The following NAP1L1 variants were observed in gnomAD, a reference collection of about 807,000 sequenced individuals.
The protein encoded by NAP1L1 is nucleosome assembly protein 1-like 1.
Under a neutral mutation model 58.9 loss-of-function variants are expected in NAP1L1, and 9 were observed. The ratio of observed to expected loss-of-function variants is 0.15; its 90% CI spans 0.09 to 0.27. NAP1L1 has a LOEUF of 0.27. Among genes scored for constraint, NAP1L1 ranks in the 10% least tolerant of loss-of-function variants. NAP1L1 has a pLI of 1.00. For missense variants in NAP1L1, 302 were observed against 458.8 expected (o/e 0.66, Z 3.12); for synonymous variants, 130 against 138.3 (o/e 0.94, Z 0.42).
At chr12:76,070,007 T>A (rs1408178306) in intron 2 of NAP1L1, among the ~76,000 whole-genome samples, 4 of 152,206 alleles carry the variant, frequency 2.6e-5, no homozygotes, top group Non-Finnish European at 5.9e-5. Flanking sequence ...TTTGAAAAAT[T>A]AATTTTCCAC....
intron 2 of NAP1L1, among the ~76,000 whole-genome samples, chr12:76,073,408 T>C (rs1354872836): frequency 6.6e-6 from 1 of 152,138 alleles, no homozygotes; most frequent in Non-Finnish European, 1.5e-5. Context: ...CTATAAAACA[T>C]CCATCCACAT....
intron 1 of NAP1L1, among the ~76,000 whole-genome samples, chr12:76,083,656 T>C (rs1950496241): frequency 2.0e-5 from 3 of 152,100 alleles, no homozygotes; most frequent in Non-Finnish European, 4.4e-5. Flanking sequence ...ATAACAACCT[T>C]TTGCTAATAA....
Position 76,067,423 on chromosome 12 carries a change from G to C in NAP1L1, c.154C>G (p.Leu52Val), listed in dbSNP as rs1421043986. 6.2e-7 allele frequency: 1 copy of C among 1,609,050 alleles called. No homozygotes were observed. Among genetic ancestry groups the C allele is most frequent in the South Asian group, 1.1e-5 (1 of 90,720 alleles). ...ACCAGACCATCAAGTCTTTCTTGAAGGGCTGCAAGAATCTGAGGATTTTGC... is the reference window on the plus strand; with the variant it reads ...ACCAGACCATCAAGTCTTTCTTGAACGGCTGCAAGAATCTGAGGATTTTGC... Reference protein sequence around the residue: ...MMQNPQILAALQERLDGLVET... With the variant: ...MMQNPQILAAVQERLDGLVET... The change falls in exon 4 of 15, where the codon CTT (leucine) becomes GTT (valine). Residue 52 changes from leucine (L) to valine (V), a missense_variant. Transcript: ENST00000618691.
chr12:76,051,662 G>A (rs890149179), intron 11 of NAP1L1, among the ~76,000 whole-genome samples: 2 of 152,132 alleles, frequency 1.3e-5, no homozygotes, highest in Admixed American at 1.3e-4. Flanking sequence ...GCTGTACCTG[G>A]CTTAGGATTT....
rs541405791 is a variant in NAP1L1 at position 76,052,247 on chromosome 12, T to TAACA, written c.936+840_936+843dup. Among the ~76,000 whole-genome samples, 244 of 151,812 alleles carry TAACA rather than the reference T, an allele frequency of 1.6e-3. 2 individuals are homozygous for TAACA. The highest frequency in any genetic ancestry group is 5.1e-3 in the African/African-American group (210 of 41,350). ...CTGTTTTGTCATCATCAATATTTAGTAACAAACAAACAAACAAACAAAAAA... is the reference window on the plus strand; with the variant it reads ...CTGTTTTGTCATCATCAATATTTAGTAACAAACAAACAAACAAACAAACAAAAAA... On this transcript the variant is annotated intron_variant, in intron 11 of 14. Coordinates refer to ENST00000618691, the MANE Select transcript of NAP1L1 (RefSeq NM_004537.7).
chr12:76,067,662 C>CA, intron 3 of NAP1L1, 189 bp from the exon 4 acceptor site: 1 of 477,316 alleles, frequency 2.1e-6, no homozygotes. Context: ...AGGAATAATT[C>CA]AGATTCCTAA....
chr12:76,050,695 C>T (rs766098373), intron 11 of NAP1L1, 42 bp from the exon 12 acceptor site: 2 of 1,582,528 alleles, frequency 1.3e-6, no homozygotes, highest in South Asian at 2.4e-5. Context: ...TTAGGAATAA[C>T]TGTGTTACTT....
In NAP1L1 at chr12:76,063,173, T is replaced by G. The variant is rs377447435; in HGVS notation, c.207-2894A>C. On this transcript the variant is annotated intron_variant, in intron 4 of 14. Transcript: ENST00000618691. ...AAAATCCAGCAGATTCTATTTAAGG[T>G]ATGGGTGTGGTCAAATATCTTGGTA... is the stretch of plus-strand genomic sequence containing the variant. 4.5e-4 allele frequency among the ~76,000 whole-genome samples: 69 copies of G among 152,294 alleles called. 1 individual carries two copies. The East Asian group carries it at 0.011, about 25-fold the overall frequency.
intron 1 of NAP1L1, among the ~76,000 whole-genome samples, chr12:76,080,419 C>T (rs142323609): frequency 7.9e-5 from 12 of 152,266 alleles, no homozygotes; most frequent in Middle Eastern, 3.4e-3. Context: ...GTTAAAACTG[C>T]CTACAGTATT....
intron 3 of NAP1L1, 91 bp from the exon 4 acceptor site, chr12:76,067,564 AACT>A: frequency 9.8e-7 from 1 of 1,015,654 alleles, no homozygotes; most frequent in South Asian, 1.5e-5. Flanking sequence ...AAGTTTTCCT[AACT>A]GGCCCATAAA....
chr12:76,064,204 AC>A (rs892025039), intron 4 of NAP1L1, among the ~76,000 whole-genome samples: 9 of 152,210 alleles, frequency 5.9e-5, no homozygotes, highest in African/African-American at 2.2e-4. Context: ...CCCCCAAAAA[AC>A]ATTATAAAAC....
chr12:76,064,793 T>TA lies in NAP1L1; in HGVS notation c.206+2577dup, dbSNP rs531225855. 1.0e-3 allele frequency among the ~76,000 whole-genome samples: 150 copies of TA among 145,304 alleles called. 1 individual carries two copies. The South Asian group carries it at 0.014, about 13-fold the overall frequency. On this transcript the variant is annotated intron_variant, in intron 4 of 14. Transcript: ENST00000618691. ...GAGAACTTGAATAAATTAGTATGTT[T>TA]AAAAAAAAAAAAATTCTCCAAAACT...
At chr12:76,081,505 G>A (rs1950408261) in intron 1 of NAP1L1, among the ~76,000 whole-genome samples, 1 of 152,150 alleles carries the variant, frequency 6.6e-6, no homozygotes, top group African/African-American at 2.4e-5. Flanking sequence ...GGAGGCCAAG[G>A]CAAAATCGCT....
At chr12:76,072,782 A>C (rs1950016104) in intron 2 of NAP1L1, among the ~76,000 whole-genome samples, 1 of 152,224 alleles carries the variant, frequency 6.6e-6, no homozygotes, top group African/African-American at 2.4e-5. Context: ...AATGCCTTCA[A>C]AATTCTGAAG....
At chr12:76,065,340 C>CA (rs1250925226) in intron 4 of NAP1L1, among the ~76,000 whole-genome samples, 1 of 150,658 alleles carries the variant, frequency 6.6e-6, no homozygotes, top group Non-Finnish European at 1.5e-5. Context: ...AGAAATAAGA[C>CA]AAAGAATACT....
chr12:76,083,973 C>G (rs899056350), intron 1 of NAP1L1: 1 of 152,222 alleles, frequency 6.6e-6, no homozygotes, highest in Non-Finnish European at 1.5e-5. Flanking sequence ...TTCCCCTCCC[C>G]GCGCGGCCGC....
Position 76,058,192 on chromosome 12 carries a change from T to TTC in NAP1L1, c.429+1605_429+1606insGA, listed in dbSNP as rs201458036. On this transcript the variant is annotated intron_variant, in intron 6 of 14. Transcript: ENST00000618691. The stretch of plus-strand genomic sequence containing the variant: ...AGATATGGCCAAAGGGAGAGAGGCC[T>TTC]ACATATATATATATATATATATATA... The TTC allele has an allele frequency of 8.2e-3, 1,523 of 184,970 alleles. 84 individuals are homozygous for TTC. Among genetic ancestry groups the TTC allele is most frequent in the African/African-American group, 0.078 (922 of 11,856 alleles). The allele number at this position is 184,970 out of a possible 1,614,324, so 11.5% of individuals were successfully genotyped here. A position where few individuals can be genotyped will look rare whatever the true frequency, so the allele number is the denominator to read the frequency against.
At chr12:76,063,233 G>C (rs1166390985) in intron 4 of NAP1L1, among the ~76,000 whole-genome samples, 1 of 152,130 alleles carries the variant, frequency 6.6e-6, no homozygotes, top group Non-Finnish European at 1.5e-5. Flanking sequence ...TAGAGGGCCA[G>C]AGAAAGCACA....
chr12:76,084,392 C>T (rs1163817375), intron 1 of NAP1L1, among the ~76,000 whole-genome samples, 175 bp downstream of exon 1: 1 of 152,122 alleles, frequency 6.6e-6, no homozygotes, highest in Non-Finnish European at 1.5e-5. Flanking sequence ...TCTCAGGCTC[C>T]GGGGTCCGGA....
Sources: gnomAD v4.1 joint callset for allele counts (sites outside exome capture counted in the v4.1 genomes callset) on GRCh38, gnomAD v4.1.1 for gene constraint, MANE v1.5 for transcripts, NCBI Gene and HGNC (gene_info 2026-07-23, HGNC 2026-07-21) for gene names.